The following TTC39B variants were observed in gnomAD, a reference collection of about 807,000 sequenced individuals.
TTC39B encodes tetratricopeptide repeat protein 39B.
In TTC39B, 92 loss-of-function variants were observed where a neutral mutation model predicts 96.6. That is an observed-to-expected ratio of 0.95 (90% CI 0.80 to 1.13). TTC39B has a LOEUF of 1.13. TTC39B is among the 50% of genes most tolerant of loss of function. The pLI is 0.00. For missense variants in TTC39B, 955 were observed against 809.3 expected (o/e 1.18, Z -2.18); for synonymous variants, 367 against 299.4 (o/e 1.23, Z -2.33).
chr9:15,260,454 A>G (rs1822903846), intron 2 of TTC39B, among the ~76,000 whole-genome samples: 1 of 152,056 alleles, frequency 6.6e-6, no homozygotes, highest in African/African-American at 2.4e-5. Context: ...GCCAAAAAAA[A>G]CAGCAGAGAA....
chr9:15,281,830 T>C lies in TTC39B; in HGVS notation c.241-13882A>G, dbSNP rs1046179001. Among the ~76,000 whole-genome samples, 7 of 152,034 alleles carry C rather than the reference T, an allele frequency of 4.6e-5. No individual in the cohort carries two copies. The South Asian group carries it at 8.3e-4, about 18-fold the overall frequency. On this transcript the variant is annotated intron_variant, in intron 1 of 19. Transcript: ENST00000512701. ...TAGCAGGGACTACAGGCACATGCCA[T>C]GTAGTCCGGCTAATTTTTGTATTTT...
chr9:15,184,377 C>A (rs2118663811), intron 16 of TTC39B, among the ~76,000 whole-genome samples: 2 of 147,844 alleles, frequency 1.4e-5, no homozygotes, highest in Admixed American at 1.4e-4. Context: ...CTGGAAAAAT[C>A]TAAATAACTG....
intron 16 of TTC39B, among the ~76,000 whole-genome samples, chr9:15,183,094 G>A (rs1818329850): frequency 6.6e-6 from 1 of 152,084 alleles, no homozygotes; most frequent in South Asian, 2.1e-4. Flanking sequence ...GTATTTTGAA[G>A]GGTATGAAGT....
intron 2 of TTC39B, among the ~76,000 whole-genome samples, chr9:15,250,806 G>A (rs562042858): frequency 2.2e-4 from 33 of 152,294 alleles, no homozygotes; most frequent in African/African-American, 7.2e-4. Flanking sequence ...TAAGGTGGTC[G>A]TTGACTTCAC....
chr9:15,260,631 A>T (rs1343795475), intron 2 of TTC39B, among the ~76,000 whole-genome samples: 2 of 152,204 alleles, frequency 1.3e-5, no homozygotes, highest in Admixed American at 6.5e-5. Flanking sequence ...GGGAAAAAAA[A>T]AATGGCCCTA....
intron 8 of TTC39B, among the ~76,000 whole-genome samples, chr9:15,196,091 A>C (rs1819150493): frequency 6.6e-6 from 1 of 152,206 alleles, no homozygotes; most frequent in Admixed American, 6.5e-5. Context: ...TTTTCAGCCT[A>C]CTGTTGAGAT....
chr9:15,235,658 T>C (rs1324828159), intron 2 of TTC39B, among the ~76,000 whole-genome samples: 1 of 152,178 alleles, frequency 6.6e-6, no homozygotes, highest in East Asian at 1.9e-4. Flanking sequence ...GGGTCTATTT[T>C]TAGCATCCTT....
intron 1 of TTC39B, among the ~76,000 whole-genome samples, chr9:15,304,657 C>A (rs149855235): frequency 1.5e-3 from 225 of 152,128 alleles, no homozygotes; most frequent in African/African-American, 5.3e-3. Context: ...CAACCTCCCC[C>A]CCGACCCCTC....
chr9:15,244,870 G>C (rs915714276), intron 2 of TTC39B, among the ~76,000 whole-genome samples: 3 of 152,128 alleles, frequency 2.0e-5, no homozygotes, highest in Non-Finnish European at 4.4e-5. Flanking sequence ...AAAACAAAGA[G>C]TAACAAAGTT....
At chr9:15,211,132 C>T (rs764587044) in intron 5 of TTC39B, 134 bp downstream of exon 5, 188 of 1,042,536 alleles carry the variant, frequency 1.8e-4, no homozygotes, top group Non-Finnish European at 2.3e-4. Flanking sequence ...CCTTCAGCTT[C>T]GAGGCTGAAT....
intron 2 of TTC39B, among the ~76,000 whole-genome samples, chr9:15,262,076 T>C (rs933218249): frequency 6.6e-6 from 1 of 152,034 alleles, no homozygotes; most frequent in African/African-American, 2.4e-5. Flanking sequence ...CTATTTTAAT[T>C]TTTATTTTTT....
chr9:15,209,338 T>C (rs887226627), intron 6 of TTC39B, among the ~76,000 whole-genome samples: 7 of 152,132 alleles, frequency 4.6e-5, no homozygotes, highest in African/African-American at 1.7e-4. Context: ...CTGATCAGGG[T>C]GCCGCAGCCA....
intron 4 of TTC39B, among the ~76,000 whole-genome samples, chr9:15,212,861 T>C (rs867325253): frequency 2.6e-5 from 4 of 152,256 alleles, no homozygotes; most frequent in Admixed American, 6.5e-5. Context: ...AGATAATGGA[T>C]ACAAAAATAC....
chr9:15,258,599 A>G (rs1822837861), intron 2 of TTC39B, among the ~76,000 whole-genome samples: 1 of 152,222 alleles, frequency 6.6e-6, no homozygotes, highest in South Asian at 2.1e-4. Flanking sequence ...CAAGGAACTC[A>G]GTGTAAGAGC....
intron 14 of TTC39B, 81 bp downstream of exon 14, chr9:15,187,890 C>G: frequency 7.1e-7 from 1 of 1,408,422 alleles, no homozygotes; most frequent in Non-Finnish European, 9.5e-7. Context: ...TATCATACTA[C>G]TGAGCAAACA....
At chr9:15,299,935 A>G (rs1824524167) in intron 1 of TTC39B, among the ~76,000 whole-genome samples, 1 of 151,920 alleles carries the variant, frequency 6.6e-6, no homozygotes, top group Non-Finnish European at 1.5e-5. Flanking sequence ...GGGGGAGGAA[A>G]AGTTTCACTA....
At chr9:15,227,062 T>C (rs1240336162) in intron 2 of TTC39B, among the ~76,000 whole-genome samples, 1 of 152,148 alleles carries the variant, frequency 6.6e-6, no homozygotes, top group Non-Finnish European at 1.5e-5. Context: ...ATCTCAGCAC[T>C]TTGGGAGGCC....
chr9:15,174,101 C>G (rs1239336007), intron 19 of TTC39B, among the ~76,000 whole-genome samples: 1 of 152,178 alleles, frequency 6.6e-6, no homozygotes, highest in Non-Finnish European at 1.5e-5. Context: ...ATTTCAGAAT[C>G]AATCTATCCT....
At chr9:15,237,132 T>A (rs1161757658) in intron 2 of TTC39B, among the ~76,000 whole-genome samples, 1 of 152,070 alleles carries the variant, frequency 6.6e-6, no homozygotes, top group Non-Finnish European at 1.5e-5. Context: ...CTGCCCAACA[T>A]GGCGAAACGT....
Sources: gnomAD v4.1 joint callset for allele counts (sites outside exome capture counted in the v4.1 genomes callset) on GRCh38, gnomAD v4.1.1 for gene constraint, MANE v1.5 for transcripts, NCBI Gene and HGNC (gene_info 2026-07-23, HGNC 2026-07-21) for gene names.